Variants in CSMD3 observed in about 807,000 individuals in gnomAD.
CSMD3 encodes the protein CUB and sushi domain-containing protein 3.
CSMD3 carries 177 observed loss-of-function variants against 435.2 expected under a neutral mutation model. That is an observed-to-expected ratio of 0.41 (90% CI 0.36 to 0.46). CSMD3 has a LOEUF of 0.46. Among genes scored for constraint, CSMD3 ranks in the 20% least tolerant of loss-of-function variants. The probability of loss-of-function intolerance (pLI) is 0.34; values close to 1 mark genes in which losing one functional copy is unlikely to be tolerated. For missense variants in CSMD3, 4,265 were observed against 4,504.6 expected (o/e 0.95, Z 1.52); for synonymous variants, 1,656 against 1,520.5 (o/e 1.09, Z -2.07).
At chr8:112,421,500 T>C (rs751420239) in intron 32 of CSMD3, among the ~76,000 whole-genome samples, 2 of 150,740 alleles carry the variant, frequency 1.3e-5, no homozygotes, top group Non-Finnish European at 2.9e-5. Flanking sequence ...GCCAAGATTG[T>C]GCCACTGCAC....
chr8:112,752,505 T>A (rs1350006707), intron 13 of CSMD3, among the ~76,000 whole-genome samples: 2 of 152,200 alleles, frequency 1.3e-5, no homozygotes, highest in Non-Finnish European at 2.9e-5. Context: ...AATCTGGATG[T>A]GAATCAGGGA....
chr8:112,563,575 G>T (rs1333517377), intron 24 of CSMD3, among the ~76,000 whole-genome samples: 1 of 151,784 alleles, frequency 6.6e-6, no homozygotes, highest in Non-Finnish European at 1.5e-5. Context: ...CCACATTCTA[G>T]GTTGGTGATG....
At chr8:112,573,452 A>T (rs2131300310) in intron 24 of CSMD3, 49 bp downstream of exon 24, 3 of 1,397,450 alleles carry the variant, frequency 2.1e-6, no homozygotes, top group Non-Finnish European at 2.0e-6. Context: ...TATTTAATAT[A>T]CATGCAGCAC....
chr8:112,398,985 C>T (rs984307563), intron 35 of CSMD3, among the ~76,000 whole-genome samples: 9 of 150,766 alleles, frequency 6.0e-5, no homozygotes, highest in South Asian at 2.1e-4. Flanking sequence ...GGTACGATCT[C>T]GGCTCACTGC....
chr8:113,224,693 A>G, intron 3 of CSMD3, among the ~76,000 whole-genome samples: 1 of 151,318 alleles, frequency 6.6e-6, no homozygotes, highest in East Asian at 1.9e-4. Context: ...TATAATTACT[A>G]TAAAATTTGT....
At position 112,448,389 on chromosome 8, in the gene CSMD3, G is replaced by A. The variant is rs553536242; in HGVS notation, c.5395+24202C>T. 2.6e-5 allele frequency among the ~76,000 whole-genome samples: 4 copies of A among 152,228 alleles called. No homozygotes were observed. In the South Asian group the frequency reaches 8.3e-4, roughly 32 times the overall value. ...TGGACACAATTCCCACTCATAGCAG[G>A]GTGAGCCCTAAATCCAATGGCTGGT... On this transcript the variant is annotated intron_variant, in intron 32 of 70. Transcript: ENST00000297405.
At position 112,910,643 on chromosome 8, in the gene CSMD3, CA is replaced by C. The variant is rs1426222641; in HGVS notation, c.1633+10983del. Reference sequence around the variant, plus strand: ...ACCTGTATTTTCAACTTCTCTCAAGCATTGTATCTTTGTCCTCATTACTTCA... The same window carrying C: ...ACCTGTATTTTCAACTTCTCTCAAGCTTGTATCTTTGTCCTCATTACTTCA... On this transcript the variant is annotated intron_variant, in intron 10 of 70. Transcript: ENST00000297405. 2.9e-3 allele frequency among the ~76,000 whole-genome samples: 435 copies of C among 151,946 alleles called. 4 individuals are homozygous for C. The highest frequency in any genetic ancestry group is 9.9e-3 in the African/African-American group (411 of 41,518).
chr8:113,131,300 C>T (rs2091277650), intron 4 of CSMD3, among the ~76,000 whole-genome samples: 1 of 152,042 alleles, frequency 6.6e-6, no homozygotes, highest in South Asian at 2.1e-4. Context: ...CCATCACAGA[C>T]CAAGAAGCCA....
At chr8:112,575,277 G>A (rs759429163) in intron 23 of CSMD3, among the ~76,000 whole-genome samples, 4 of 151,802 alleles carry the variant, frequency 2.6e-5, no homozygotes, top group Non-Finnish European at 4.4e-5. Context: ...TTTCTTGCAC[G>A]CTCCATTTGT....
intron 46 of CSMD3, among the ~76,000 whole-genome samples, chr8:112,319,699 A>G (rs1164536464): frequency 6.6e-6 from 1 of 152,176 alleles, no homozygotes; most frequent in Non-Finnish European, 1.5e-5. Context: ...ACATTCCAGA[A>G]AAACAAAATT....
intron 3 of CSMD3, among the ~76,000 whole-genome samples, chr8:113,265,832 A>G (rs1271098976): frequency 2.0e-5 from 3 of 151,528 alleles, no homozygotes; most frequent in African/African-American, 7.2e-5. Flanking sequence ...GGTTGACTTT[A>G]TGGGCCTCTA....
chr8:113,152,541 T>C (rs2091833052), intron 4 of CSMD3, among the ~76,000 whole-genome samples: 1 of 152,084 alleles, frequency 6.6e-6, no homozygotes, highest in Non-Finnish European at 1.5e-5. Context: ...CCAATCCCTT[T>C]TAACCTAAGC....
In CSMD3 at chr8:112,881,984, C is replaced by T. The variant is rs544675108; in HGVS notation, c.1634-22718G>A. On this transcript the variant is annotated intron_variant, in intron 10 of 70. Transcript: ENST00000297405. The stretch of plus-strand genomic sequence containing the variant: ...AATGTCAACTGTCAAGGTCCCTGAT[C>T]CCTAATTGAGTTTATTTTACTCATT... Among the ~76,000 whole-genome samples, 4 of 151,858 alleles carry T rather than the reference C, an allele frequency of 2.6e-5. No individual in the cohort carries two copies. The East Asian group carries it at 7.8e-4, about 30-fold the overall frequency.
At chr8:112,974,245 A>G (rs1386986099) in intron 7 of CSMD3, among the ~76,000 whole-genome samples, 1 of 151,890 alleles carries the variant, frequency 6.6e-6, no homozygotes, top group East Asian at 1.9e-4. Context: ...AAACTTTTCT[A>G]TTTTCAGTCT....
chr8:112,888,184 C>T (rs192212777), intron 10 of CSMD3, among the ~76,000 whole-genome samples: 1 of 151,708 alleles, frequency 6.6e-6, no homozygotes, highest in Non-Finnish European at 1.5e-5. Context: ...GGGATTATGG[C>T]CATACACAGA....
intron 1 of CSMD3, among the ~76,000 whole-genome samples, chr8:113,430,652 C>G (rs1246619736): frequency 6.6e-6 from 1 of 152,122 alleles, no homozygotes; most frequent in African/African-American, 2.4e-5. Flanking sequence ...TTAGAGGATG[C>G]TGGTACTACT....
intron 3 of CSMD3, among the ~76,000 whole-genome samples, chr8:113,224,320 AAACCCC>A (rs1215782916): frequency 6.6e-6 from 1 of 151,170 alleles, no homozygotes; most frequent in East Asian, 1.9e-4. Flanking sequence ...TTGCTTCAAT[AAACCCC>A]ATTCATCTAT....
At chr8:113,067,314 C>T (rs2088902124) in intron 5 of CSMD3, among the ~76,000 whole-genome samples, 1 of 152,078 alleles carries the variant, frequency 6.6e-6, no homozygotes, top group Non-Finnish European at 1.5e-5. Flanking sequence ...AAAAAAATTA[C>T]TGATTCCATT....
chr8:113,211,551 T>A (rs1304855416), intron 3 of CSMD3, among the ~76,000 whole-genome samples: 1 of 152,062 alleles, frequency 6.6e-6, no homozygotes, highest in Non-Finnish European at 1.5e-5. Context: ...TAGCCAGGCA[T>A]CATGGCGTGT....
Sources: gnomAD v4.1 joint callset for allele counts (sites outside exome capture counted in the v4.1 genomes callset) on GRCh38, gnomAD v4.1.1 for gene constraint, MANE v1.5 for transcripts, NCBI Gene and HGNC (gene_info 2026-07-23, HGNC 2026-07-21) for gene names.